The following EXOC6B variants were observed in gnomAD, a reference collection of about 807,000 sequenced individuals.
EXOC6B encodes SEC15 homolog B.
EXOC6B carries 54 observed loss-of-function variants against 113.5 expected under a neutral mutation model. That is an observed-to-expected ratio of 0.48 (90% confidence interval 0.38 to 0.60). The LOEUF is 0.60. Ranked by LOEUF, EXOC6B falls within the 20% of genes least tolerant of loss-of-function variation. The pLI is 0.00. For missense variants in EXOC6B, 797 were observed against 977.5 expected, an observed-to-expected ratio of 0.82 and a Z score of 2.46; for synonymous variants, 357 against 339.0, an observed-to-expected ratio of 1.05 and a Z score of -0.58.
At chr2:72,778,681 G>A (rs1257394931) in intron 1 of EXOC6B, among the ~76,000 whole-genome samples, 4 of 152,072 alleles carry the variant, frequency 2.6e-5, no homozygotes, top group South Asian at 2.1e-4. Flanking sequence ...ACATTCAAGC[G>A]AAGGACTACA....
At chr2:72,257,798 C>A (rs1683442142) in intron 20 of EXOC6B, among the ~76,000 whole-genome samples, 1 of 152,102 alleles carries the variant, frequency 6.6e-6, no homozygotes, top group Non-Finnish European at 1.5e-5. Context: ...TCAACCATAG[C>A]CGACATAGCC....
At chr2:72,487,463 C>T (rs1266903994) in intron 16 of EXOC6B, among the ~76,000 whole-genome samples, 2 of 152,124 alleles carry the variant, frequency 1.3e-5, no homozygotes, top group African/African-American at 4.8e-5. Flanking sequence ...CTATTTCAAG[C>T]GATTCTCCCG....
chr2:72,328,318 T>C (rs565547253), intron 20 of EXOC6B, among the ~76,000 whole-genome samples: 1 of 152,186 alleles, frequency 6.6e-6, no homozygotes, highest in East Asian at 1.9e-4. Flanking sequence ...TCTGAAAGTC[T>C]GTGTATCTGC....
chr2:72,224,349 C>A (rs1368471553), intron 20 of EXOC6B, among the ~76,000 whole-genome samples: 1 of 152,042 alleles, frequency 6.6e-6, no homozygotes, highest in African/African-American at 2.4e-5. Context: ...TATTTCTACC[C>A]CCTACCACAA....
chr2:72,476,813 G>C (rs1042291156), intron 17 of EXOC6B, among the ~76,000 whole-genome samples: 1 of 152,044 alleles, frequency 6.6e-6, no homozygotes, highest in East Asian at 1.9e-4. Flanking sequence ...ATCTACTTCG[G>C]TATCTCACTG....
chr2:72,195,381 G>C (rs1679105065), intron 20 of EXOC6B, among the ~76,000 whole-genome samples: 1 of 152,196 alleles, frequency 6.6e-6, no homozygotes, highest in Admixed American at 6.5e-5. Context: ...TCAAGGGGAG[G>C]ATGGGAGGCC....
intron 6 of EXOC6B, among the ~76,000 whole-genome samples, chr2:72,711,558 C>T (rs141334799): frequency 1.8e-4 from 28 of 152,128 alleles, no homozygotes; most frequent in African/African-American, 5.8e-4. Flanking sequence ...TAGTACCATG[C>T]CCTATATAAC....
intron 20 of EXOC6B, among the ~76,000 whole-genome samples, chr2:72,265,889 A>G (rs1169826480): frequency 6.6e-6 from 1 of 152,114 alleles, no homozygotes; most frequent in Non-Finnish European, 1.5e-5. Context: ...AAGTGTTCCT[A>G]TTTCTCCACA....
intron 20 of EXOC6B, among the ~76,000 whole-genome samples, chr2:72,206,455 C>G (rs1185093457): frequency 6.6e-6 from 1 of 152,208 alleles, no homozygotes; most frequent in African/African-American, 2.4e-5. Context: ...AGATTTATCC[C>G]TTCTCTGAAC....
chr2:72,189,500 C>T (rs1279280918), intron 20 of EXOC6B, among the ~76,000 whole-genome samples: 1 of 152,082 alleles, frequency 6.6e-6, no homozygotes, highest in Non-Finnish European at 1.5e-5. Context: ...TTATGTTTTC[C>T]TTTGGAACTG....
At chr2:72,700,535 C>A (rs1283425171) in intron 6 of EXOC6B, among the ~76,000 whole-genome samples, 1 of 151,986 alleles carries the variant, frequency 6.6e-6, no homozygotes. Flanking sequence ...GTAATGGGGT[C>A]GAAATTGTAT....
At chr2:72,218,721 G>C (rs1172335243) in intron 20 of EXOC6B, among the ~76,000 whole-genome samples, 1 of 152,066 alleles carries the variant, frequency 6.6e-6, no homozygotes, top group African/African-American at 2.4e-5. Flanking sequence ...CTGGAGTGCA[G>C]TGGCGATCTA....
At chr2:72,539,500 C>T (rs1702471750) in intron 8 of EXOC6B, among the ~76,000 whole-genome samples, 2 of 152,174 alleles carry the variant, frequency 1.3e-5, no homozygotes, top group African/African-American at 4.8e-5. Context: ...CTCCCAACAT[C>T]ACTTTTAGAC....
chr2:72,339,145 G>A (rs543010618), intron 19 of EXOC6B, among the ~76,000 whole-genome samples: 16 of 152,114 alleles, frequency 1.1e-4, no homozygotes, highest in Admixed American at 4.6e-4. Context: ...TGAGAGAGGG[G>A]CAAGAGGCTC....
At chr2:72,457,781 ATAT>A (rs1375812478) in intron 18 of EXOC6B, among the ~76,000 whole-genome samples, 6 of 152,132 alleles carry the variant, frequency 3.9e-5, no homozygotes, top group African/African-American at 4.8e-5. Context: ...AATGTGGAAA[ATAT>A]TATTATAATC....
At position 72,209,079 on chromosome 2, in the gene EXOC6B, C is replaced by A. The variant is rs1217248949; in HGVS notation, c.2197-24892G>T. On this transcript the variant is annotated intron_variant, in intron 20 of 21. Coordinates refer to ENST00000272427, the MANE Select transcript of EXOC6B (RefSeq NM_015189.3). ...TCTCTACTAAAAATACAAAACTAGC[C>A]TGGTGTGTTGGCGCATGCCTGTAAT... Among the ~76,000 whole-genome samples the A allele has an allele frequency of 4.0e-5, 6 of 151,746 alleles. No homozygotes were observed. The South Asian group carries it at 6.3e-4, about 16-fold the overall frequency.
rs1677896202 is a variant in EXOC6B, at chr2:72,178,721, G to A, written c.*614C>T. On this transcript the variant is annotated 3_prime_UTR_variant, in exon 22 of 22. Transcript: ENST00000272427. Reference sequence around the variant, plus strand: ...AAATTGCAATAAAAGCCTGGGGTTAGATCAGGCTAAAGAAACCGCCATTCT... The same window carrying A: ...AAATTGCAATAAAAGCCTGGGGTTAAATCAGGCTAAAGAAACCGCCATTCT... 6.6e-6 allele frequency: 1 copy of A among 152,254 alleles called. No individual in the cohort carries two copies. Among genetic ancestry groups the A allele is most frequent in the African/African-American group, 2.4e-5 (1 of 41,462 alleles). The allele number at this position is 152,254 out of a possible 1,614,324, so 9.4% of individuals were successfully genotyped here. A position where few individuals can be genotyped will look rare whatever the true frequency, so the allele number is the denominator to read the frequency against.
chr2:72,617,835 T>A (rs529239453), intron 6 of EXOC6B, among the ~76,000 whole-genome samples: 1 of 152,172 alleles, frequency 6.6e-6, no homozygotes, highest in East Asian at 1.9e-4. Flanking sequence ...AGAGTTCTAA[T>A]CTTTGCTACA....
chr2:72,412,676 C>T (rs1694255791), intron 18 of EXOC6B, among the ~76,000 whole-genome samples: 1 of 152,126 alleles, frequency 6.6e-6, no homozygotes, highest in Admixed American at 6.5e-5. Flanking sequence ...TATATCTTAA[C>T]CCTTTAAGTT....
Sources: gnomAD v4.1 joint callset for allele counts (sites outside exome capture counted in the v4.1 genomes callset) on GRCh38, gnomAD v4.1.1 for gene constraint, MANE v1.5 for transcripts, NCBI Gene and HGNC (gene_info 2026-07-23, HGNC 2026-07-21) for gene names.